The following PTK2 variants were observed in gnomAD, a reference collection of about 807,000 sequenced individuals.
The protein encoded by PTK2 is protein tyrosine kinase 2.
In PTK2, 45 loss-of-function variants were observed where a neutral mutation model predicts 150.1. The ratio of observed to expected loss-of-function variants is 0.30; its 90% CI spans 0.24 to 0.38. The LOEUF (loss-of-function observed/expected upper bound fraction) is 0.38. PTK2 is among the 10% of genes least tolerant of loss of function. The pLI is 1.00. For missense variants in PTK2, 919 were observed against 1,307.3 expected, an observed-to-expected ratio of 0.70 and a Z score of 4.58; for synonymous variants, 432 against 449.2, an observed-to-expected ratio of 0.96 and a Z score of 0.48.
Position 140,697,852 on chromosome 8 carries a change from G to GTTTTTTTTT in PTK2, c.2499+3030_2499+3038dup, listed in dbSNP as rs71308981. ...GATCCTCCTCCCTTTAGGGTTTACT[G>GTTTTTTTTT]TTTTTTTTTTTTTTTTTTTTTTTTT... On this transcript the variant is annotated intron_variant, in intron 26 of 31. Coordinates refer to ENST00000522684, the Ensembl canonical transcript of PTK2. 1.7e-4 allele frequency among the ~76,000 whole-genome samples: 8 copies of GTTTTTTTTT among 48,026 alleles called. 1 individual carries two copies. The highest frequency in any genetic ancestry group is 8.9e-4 in the East Asian group (1 of 1,124). The allele number at this position is 48,026 out of a possible 152,430, so 31.5% of individuals were successfully genotyped here. A position where few individuals can be genotyped will look rare whatever the true frequency, so the allele number is the denominator to read the frequency against.
intron 10 of PTK2, among the ~76,000 whole-genome samples, chr8:140,816,699 T>C (rs1331115507): frequency 6.6e-6 from 1 of 152,240 alleles, no homozygotes; most frequent in Non-Finnish European, 1.5e-5. Context: ...CATGAAAATA[T>C]GTTTAAAGTT....
In PTK2 at chr8:140,803,538, C is replaced by A. The variant is rs2100096519; in HGVS notation, c.975+5G>T. 3 of 1,600,908 alleles carry A rather than the reference C, an allele frequency of 1.9e-6. No individual in the cohort carries two copies. The highest frequency in any genetic ancestry group is 2.6e-6 in the Non-Finnish European group (3 of 1,168,158). ...CCCTTAATGATGAACGTAACAGTTC[C>A]TTACCTCGGGTGCACCTGCTATTTT... On this transcript the variant is annotated splice_donor_5th_base_variant and intron_variant, in intron 11 of 31. Coordinates refer to ENST00000522684, the Ensembl canonical transcript of PTK2.
chr8:140,680,303 C>A (rs1176628799), intron 27 of PTK2, among the ~76,000 whole-genome samples: 1 of 152,162 alleles, frequency 6.6e-6, no homozygotes, highest in Non-Finnish European at 1.5e-5. Flanking sequence ...TCTCGGCTTA[C>A]TGCAACCTCC....
rs542532140 is a variant in PTK2, at chr8:140,667,843, T to A, written c.2865+426A>T. Among the ~76,000 whole-genome samples, 9 of 152,340 alleles carry A rather than the reference T, an allele frequency of 5.9e-5. No individual in the cohort carries two copies. The South Asian group carries it at 1.7e-3, about 28-fold the overall frequency. On this transcript the variant is annotated intron_variant, in intron 30 of 31. Transcript: ENST00000522684. ...TTACAGGTGCGGGATCTGAATTTGA[T>A]AATGATCATTCCTCTACTTGTCTTT... is the stretch of plus-strand genomic sequence containing the variant.
chr8:140,772,300 G>C (rs78130115), intron 14 of PTK2, among the ~76,000 whole-genome samples: 2 of 152,166 alleles, frequency 1.3e-5, no homozygotes, highest in African/African-American at 4.8e-5. Context: ...GTGGAGTCAC[G>C]TACCCGTGGG....
chr8:140,840,032 A>C (rs1384544329), intron 7 of PTK2, among the ~76,000 whole-genome samples: 1 of 152,208 alleles, frequency 6.6e-6, no homozygotes, highest in Non-Finnish European at 1.5e-5. Flanking sequence ...GAATAAAAGG[A>C]AAAGCATACC....
At chr8:140,691,537 C>T (rs1023693908) in intron 26 of PTK2, among the ~76,000 whole-genome samples, 5 of 152,178 alleles carry the variant, frequency 3.3e-5, no homozygotes, top group Non-Finnish European at 7.3e-5. Context: ...TGTTTCTTAT[C>T]ATGAGATGCT....
chr8:140,859,095 A>G (rs1300211192), intron 5 of PTK2, among the ~76,000 whole-genome samples: 1 of 152,188 alleles, frequency 6.6e-6, no homozygotes, highest in Non-Finnish European at 1.5e-5. Context: ...ACAAAACAAA[A>G]CAGAAAATAC....
At chr8:140,872,552 A>G (rs1399990359) in intron 4 of PTK2, among the ~76,000 whole-genome samples, 1 of 152,194 alleles carries the variant, frequency 6.6e-6, no homozygotes, top group African/African-American at 2.4e-5. Context: ...TGACTGGGGA[A>G]GCGCTGGGGA....
chr8:140,921,988 A>G (rs2100167640), intron 2 of PTK2, among the ~76,000 whole-genome samples: 1 of 152,120 alleles, frequency 6.6e-6, no homozygotes, highest in Non-Finnish European at 1.5e-5. Context: ...CTGAGACTCT[A>G]CAGTTCTAGC....
At chr8:140,681,649 C>T (rs546127673) in intron 27 of PTK2, among the ~76,000 whole-genome samples, 21 of 151,444 alleles carry the variant, frequency 1.4e-4, no homozygotes, top group East Asian at 7.9e-4. Context: ...TGGTGGCGGG[C>T]GCCTGTAGTC....
At chr8:140,945,013 T>C (rs2100177200) in intron 1 of PTK2, among the ~76,000 whole-genome samples, 1 of 152,190 alleles carries the variant, frequency 6.6e-6, no homozygotes, top group Non-Finnish European at 1.5e-5. Flanking sequence ...CCAACTTCCC[T>C]GCTTGCCCTC....
intron 16 of PTK2, among the ~76,000 whole-genome samples, chr8:140,756,365 C>A (rs1173608983): frequency 6.6e-6 from 1 of 151,394 alleles, no homozygotes; most frequent in African/African-American, 2.4e-5. Flanking sequence ...AAATGTGAAT[C>A]CTTGGGGACT....
chr8:140,788,440 T>G (rs775249336), intron 14 of PTK2, among the ~76,000 whole-genome samples: 8 of 152,046 alleles, frequency 5.3e-5, no homozygotes, highest in Admixed American at 1.3e-4. Context: ...TCCTGGCACT[T>G]TGGGAGGCCG....
chr8:140,907,272 A>G (rs2100161305), intron 2 of PTK2, among the ~76,000 whole-genome samples: 3 of 152,202 alleles, frequency 2.0e-5, no homozygotes, highest in Admixed American at 6.5e-5. Context: ...CTAAATGTTT[A>G]GGACCAGAAG....
chr8:140,831,138 CTTT>C (rs2154602950), intron 7 of PTK2, among the ~76,000 whole-genome samples: 1 of 152,288 alleles, frequency 6.6e-6, no homozygotes, highest in African/African-American at 2.4e-5. Context: ...CAGCAATGTT[CTTT>C]AAGTCAGGCA....
intron 26 of PTK2, among the ~76,000 whole-genome samples, chr8:140,693,438 T>A (rs1347426388): frequency 6.6e-6 from 1 of 151,682 alleles, no homozygotes; most frequent in Non-Finnish European, 1.5e-5. Flanking sequence ...ATGCCCGTAG[T>A]CGCAGCTACT....
chr8:140,745,970 A>T (rs2154479396), intron 18 of PTK2, among the ~76,000 whole-genome samples: 1 of 151,578 alleles, frequency 6.6e-6, no homozygotes, highest in East Asian at 1.9e-4. Flanking sequence ...ATTGCACTCC[A>T]GCTTGGGCGA....
chr8:140,927,981 T>C (rs1259256755), intron 1 of PTK2, among the ~76,000 whole-genome samples: 1 of 110,148 alleles, frequency 9.1e-6, no homozygotes, highest in Non-Finnish European at 1.8e-5. Context: ...AAAAAATATA[T>C]ATATATATAT....
Sources: allele counts gnomAD v4.1 joint callset (sites outside exome capture counted in the v4.1 genomes callset), GRCh38; gene constraint gnomAD v4.1.1; transcripts MANE v1.5; gene names NCBI Gene and HGNC (gene_info 2026-07-23, HGNC 2026-07-21).